MED13L: variants seen among roughly 807,000 people sequenced by gnomAD.
MED13L encodes mediator of RNA polymerase II transcription subunit 13-like.
Under a neutral mutation model 220.9 loss-of-function variants are expected in MED13L, and 7 were observed. That is an observed-to-expected ratio of 0.03 (90% CI 0.02 to 0.06). The LOEUF (loss-of-function observed/expected upper bound fraction) is 0.06, where lower values mean the gene tolerates loss of function less well. Ranked by LOEUF, MED13L falls within the 10% of genes least tolerant of loss-of-function variation. The probability of loss-of-function intolerance (pLI) is 1.00; values close to 1 mark genes in which losing one functional copy is unlikely to be tolerated. For synonymous variants in MED13L, 1,011 were observed against 1,015.2 expected (o/e 1.00, Z 0.08); for missense variants, 1,965 against 2,760.5 (o/e 0.71, Z 6.46).
chr12:116,031,751 AAAAGAAAAGAAGGAAGG>A lies in MED13L; in HGVS notation c.480-9167_480-9151del, dbSNP rs1566020862. ...AAAAGAAAAGAAAAGAAAAGAAAAG[AAAAGAAAAGAAGGAAGG>A]AAGGAAGGAAGGAAGGAAGGAAGGA... On this transcript the variant is annotated intron_variant, in intron 4 of 30. Coordinates refer to ENST00000281928, the MANE Select transcript of MED13L (RefSeq NM_015335.5). Among the ~76,000 whole-genome samples, 12 of 31,946 alleles carry A rather than the reference AAAAGAAAAGAAGGAAGG, an allele frequency of 3.8e-4. 1 individual carries two copies. The highest frequency in any genetic ancestry group is 1.5e-3 in the African/African-American group (6 of 3,942). 21.0% of individuals were successfully genotyped at this position (31,946 alleles called of 152,430 possible). A position where few individuals can be genotyped will look rare whatever the true frequency, so the allele number is the denominator to read the frequency against.
intron 4 of MED13L, among the ~76,000 whole-genome samples, chr12:116,080,427 TAGAG>T (rs1453860122): frequency 6.6e-6 from 1 of 152,194 alleles, no homozygotes; most frequent in African/African-American, 2.4e-5. Flanking sequence ...CAATGCCATA[TAGAG>T]AGAAAGGCAC....
At chr12:116,049,986 T>C (rs1478003246) in intron 4 of MED13L, among the ~76,000 whole-genome samples, 3 of 152,190 alleles carry the variant, frequency 2.0e-5, no homozygotes, top group African/African-American at 7.2e-5. Context: ...ATCTATTCCT[T>C]TGAATGTAGT....
Position 116,182,326 on chromosome 12 carries a change from C to T in MED13L, c.310+55142G>A, listed in dbSNP as rs569970093. Reference sequence around the variant, plus strand: ...CTTCCCTAAGCCCTTCCCTTAGCCACTCTCCTCCAAAACTAACCATTTTCT... The same window carrying T: ...CTTCCCTAAGCCCTTCCCTTAGCCATTCTCCTCCAAAACTAACCATTTTCT... On this transcript the variant is annotated intron_variant, in intron 2 of 30. Transcript: ENST00000281928. 5.3e-5 allele frequency among the ~76,000 whole-genome samples: 8 copies of T among 152,306 alleles called. No individual in the cohort carries two copies. In the South Asian group the frequency reaches 8.3e-4, roughly 16 times the overall value.
intron 4 of MED13L, among the ~76,000 whole-genome samples, chr12:116,042,089 T>C (rs888878798): frequency 6.6e-6 from 1 of 152,220 alleles, no homozygotes; most frequent in Non-Finnish European, 1.5e-5. Context: ...CCAATAGTGG[T>C]AAATATAAAT....
intron 1 of MED13L, among the ~76,000 whole-genome samples, chr12:116,274,551 T>C (rs1477226089): frequency 6.6e-6 from 1 of 151,772 alleles, no homozygotes; most frequent in African/African-American, 2.4e-5. Context: ...AACTATGATA[T>C]ACAATGTACT....
chr12:116,095,278 CTGT>C (rs2137809018), intron 4 of MED13L, among the ~76,000 whole-genome samples: 1 of 152,272 alleles, frequency 6.6e-6, no homozygotes, highest in African/African-American at 2.4e-5. Context: ...ATCAAAGTAT[CTGT>C]AAACAGAATC....
chr12:115,993,664 T>C (rs899551130), intron 16 of MED13L, among the ~76,000 whole-genome samples: 7 of 152,068 alleles, frequency 4.6e-5, no homozygotes, highest in African/African-American at 1.7e-4. Context: ...CCTTTCAAAT[T>C]CTCCTGTTCA....
chr12:115,996,213 C>G (rs1368024850), intron 16 of MED13L, among the ~76,000 whole-genome samples: 2 of 152,064 alleles, frequency 1.3e-5, no homozygotes, highest in East Asian at 3.9e-4. Flanking sequence ...GCCTCAGCCT[C>G]CCGAGTAGCT....
At chr12:116,135,867 G>C (rs972166536) in intron 2 of MED13L, among the ~76,000 whole-genome samples, 11 of 151,520 alleles carry the variant, frequency 7.3e-5, no homozygotes, top group Non-Finnish European at 1.5e-5. Flanking sequence ...AGAAGCCACT[G>C]TGCTGCTTCA....
chr12:116,261,383 G>A (rs1471297737), intron 1 of MED13L, among the ~76,000 whole-genome samples: 8 of 151,654 alleles, frequency 5.3e-5, no homozygotes, highest in African/African-American at 1.9e-4. Context: ...TGTAGTCCCA[G>A]CTACTCAGGA....
chr12:116,261,492 C>CAAAA (rs35601745), intron 1 of MED13L, among the ~76,000 whole-genome samples: 1 of 58,104 alleles, frequency 1.7e-5, no homozygotes. Context: ...AACTCAGTCT[C>CAAAA]AAAAAAAAAA....
intron 7 of MED13L, among the ~76,000 whole-genome samples, chr12:116,017,007 G>A (rs1206956505): frequency 6.6e-6 from 1 of 152,204 alleles, no homozygotes. Flanking sequence ...GATACTCTCT[G>A]ATACAGCATT....
chr12:116,201,951 T>C (rs1308353193), intron 2 of MED13L, among the ~76,000 whole-genome samples: 2 of 152,224 alleles, frequency 1.3e-5, no homozygotes, highest in African/African-American at 4.8e-5. Context: ...ATATGCTTCA[T>C]TCTCTTTGTA....
chr12:115,996,780 G>A lies in MED13L; in HGVS notation c.2791-99C>T, dbSNP rs1014793663. 46 of 1,109,708 alleles carry A rather than the reference G, an allele frequency of 4.1e-5. No homozygotes were observed. In the South Asian group the frequency reaches 4.3e-4, roughly 10 times the overall value. The allele number at this position is 1,109,708 out of a possible 1,614,324, so 68.7% of individuals were successfully genotyped here. The stretch of plus-strand genomic sequence containing the variant: ...CATAAAAACAGCAACCAAAATGATC[G>A]TATTTCAGTATTTCTCTCCTATGAT... On this transcript the variant is annotated intron_variant, in intron 15 of 30. Transcript: ENST00000281928.
intron 2 of MED13L, among the ~76,000 whole-genome samples, chr12:116,156,857 A>G (rs1287858219): frequency 6.6e-6 from 1 of 152,162 alleles, no homozygotes; most frequent in Non-Finnish European, 1.5e-5. Context: ...TGATGTGGAC[A>G]CACAATGTGG....
At chr12:116,015,295 G>T in intron 7 of MED13L, 21 bp from the exon 8 acceptor site, 1 of 1,613,330 alleles carries the variant, frequency 6.2e-7, no homozygotes, top group East Asian at 2.2e-5. Flanking sequence ...AGGCAATTTG[G>T]AATGTTAGGA....
At chr12:116,013,148 G>A (rs980673809) in intron 8 of MED13L, among the ~76,000 whole-genome samples, 3 of 152,126 alleles carry the variant, frequency 2.0e-5, no homozygotes, top group South Asian at 2.1e-4. Context: ...TAAGGTGGGC[G>A]GATTGCTTGA....
intron 4 of MED13L, among the ~76,000 whole-genome samples, chr12:116,026,600 A>ATGC (rs36109975): frequency 0.093 from 14,141 of 152,016 alleles, 738 homozygotes; most frequent in East Asian, 0.22. Flanking sequence ...TTCCCATGTG[A>ATGC]TGCTGCTGCT....
At chr12:116,129,123 GAATT>G (rs1875848192) in intron 2 of MED13L, among the ~76,000 whole-genome samples, 1 of 152,090 alleles carries the variant, frequency 6.6e-6, no homozygotes, top group African/African-American at 2.4e-5. Context: ...TTTTAAAACA[GAATT>G]ATTTTTAATA....
Sources: gnomAD v4.1 joint callset for allele counts (sites outside exome capture counted in the v4.1 genomes callset) on GRCh38, gnomAD v4.1.1 for gene constraint, MANE v1.5 for transcripts, NCBI Gene and HGNC (gene_info 2026-07-23, HGNC 2026-07-21) for gene names.